KCNH5: variants seen among roughly 807,000 people sequenced by gnomAD.
KCNH5 encodes potassium voltage-gated channel subfamily H member 5, also known as voltage-gated delayed rectifier potassium channel KCNH5.
In KCNH5, 46 loss-of-function variants were observed where a neutral mutation model predicts 96.1. That is an observed-to-expected ratio of 0.48 (90% CI 0.38 to 0.61). The LOEUF (loss-of-function observed/expected upper bound fraction) is 0.61. KCNH5 is among the 20% of genes least tolerant of loss of function. KCNH5 has a pLI of 0.00. For missense variants in KCNH5, 907 were observed against 1,225.8 expected, an observed-to-expected ratio of 0.74 and a Z score of 3.88; for synonymous variants, 439 against 449.8, an observed-to-expected ratio of 0.98 and a Z score of 0.30.
chr14:62,788,055 G>T (rs746000702), intron 9 of KCNH5, among the ~76,000 whole-genome samples: 20 of 152,184 alleles, frequency 1.3e-4, no homozygotes, highest in Admixed American at 5.9e-4. Context: ...GGCTATAGCT[G>T]TCATAGATAC....
At chr14:62,716,021 T>C (rs1206752167) in intron 10 of KCNH5, among the ~76,000 whole-genome samples, 1 of 152,226 alleles carries the variant, frequency 6.6e-6, no homozygotes, top group Non-Finnish European at 1.5e-5. Context: ...TTCTTTACCA[T>C]GTAAAAGATC....
chr14:62,886,220 CT>C (rs1888594222), intron 7 of KCNH5, among the ~76,000 whole-genome samples: 1 of 152,062 alleles, frequency 6.6e-6, no homozygotes, highest in Non-Finnish European at 1.5e-5. Context: ...GCCCAAACAT[CT>C]CTAATTGCAC....
At chr14:62,738,958 A>G (rs1464524701) in intron 10 of KCNH5, among the ~76,000 whole-genome samples, 4 of 152,180 alleles carry the variant, frequency 2.6e-5, no homozygotes, top group Admixed American at 2.0e-4. Context: ...GCTGGGTCTT[A>G]AAGGACTTCA....
At chr14:62,751,810 G>T (rs114413160) in intron 10 of KCNH5, among the ~76,000 whole-genome samples, 141 of 152,268 alleles carry the variant, frequency 9.3e-4, no homozygotes, top group African/African-American at 3.2e-3. Context: ...CCATATACAA[G>T]AGCTGTTCCA....
chr14:63,022,599 C>T (rs1264368974), intron 1 of KCNH5, among the ~76,000 whole-genome samples: 1 of 152,144 alleles, frequency 6.6e-6, no homozygotes, highest in Non-Finnish European at 1.5e-5. Flanking sequence ...GTTCTCATCA[C>T]TCTGACCCTT....
intron 3 of KCNH5, among the ~76,000 whole-genome samples, chr14:63,004,959 C>T (rs190694525): frequency 1.3e-5 from 2 of 152,274 alleles, no homozygotes; most frequent in East Asian, 3.9e-4. Context: ...ATTTGCTAAA[C>T]TTGGAGCACA....
intron 7 of KCNH5, among the ~76,000 whole-genome samples, chr14:62,908,528 T>A (rs555151026): frequency 6.6e-6 from 1 of 152,076 alleles, no homozygotes; most frequent in African/African-American, 2.4e-5. Flanking sequence ...AAACCTCAAA[T>A]TCAGGGAAAC....
chr14:62,775,414 G>A (rs1420669976), intron 10 of KCNH5, among the ~76,000 whole-genome samples: 2 of 151,982 alleles, frequency 1.3e-5, no homozygotes, highest in African/African-American at 4.8e-5. Flanking sequence ...AAACAAATGT[G>A]TTTTCCCATA....
In KCNH5 at chr14:62,890,009, T is replaced by C. The variant is rs539117178; in HGVS notation, c.1370-40157A>G. Among the ~76,000 whole-genome samples, 3 of 152,236 alleles carry C rather than the reference T, an allele frequency of 2.0e-5. No individual in the cohort carries two copies. In the South Asian group the frequency reaches 6.2e-4, roughly 32 times the overall value. On this transcript the variant is annotated intron_variant, in intron 7 of 10. Transcript: ENST00000322893. ...AGACTCACTATTCAATAAATGGTGC[T>C]GGGAGAACTGGCTAGCCATACGCAG...
intron 10 of KCNH5, among the ~76,000 whole-genome samples, chr14:62,714,153 G>T (rs10137769): frequency 1.2e-3 from 177 of 152,090 alleles, no homozygotes; most frequent in African/African-American, 4.0e-3. Flanking sequence ...GATATGCATG[G>T]TGGTGCATGC....
intron 7 of KCNH5, among the ~76,000 whole-genome samples, chr14:62,944,538 A>G (rs558625415): frequency 1.3e-5 from 2 of 152,064 alleles, no homozygotes; most frequent in Non-Finnish European, 2.9e-5. Flanking sequence ...TATGGCTGCT[A>G]GCACATATTG....
At chr14:62,767,332 C>G (rs1169270058) in intron 10 of KCNH5, among the ~76,000 whole-genome samples, 1 of 152,104 alleles carries the variant, frequency 6.6e-6, no homozygotes, top group African/African-American at 2.4e-5. Context: ...ACTATATATC[C>G]AAAGGAATAG....
At chr14:62,888,205 T>C (rs1223714411) in intron 7 of KCNH5, among the ~76,000 whole-genome samples, 2 of 152,198 alleles carry the variant, frequency 1.3e-5, no homozygotes, top group Non-Finnish European at 2.9e-5. Flanking sequence ...GGGAATGAAG[T>C]TTAATTTTAT....
At chr14:62,935,308 G>C (rs1369193598) in intron 7 of KCNH5, among the ~76,000 whole-genome samples, 1 of 152,162 alleles carries the variant, frequency 6.6e-6, no homozygotes, top group African/African-American at 2.4e-5. Context: ...CTACACTCCT[G>C]TTATGCTAGG....
At chr14:62,927,965 C>A (rs1156764719) in intron 7 of KCNH5, among the ~76,000 whole-genome samples, 1 of 152,080 alleles carries the variant, frequency 6.6e-6, no homozygotes, top group Non-Finnish European at 1.5e-5. Context: ...TTCATGTGTT[C>A]TAGCCCCATC....
chr14:63,003,675 A>C (rs1210262337), intron 3 of KCNH5, among the ~76,000 whole-genome samples: 1 of 136,332 alleles, frequency 7.3e-6, no homozygotes, highest in African/African-American at 2.9e-5. Flanking sequence ...GCCCAACTGC[A>C]GTGGCACTAT....
chr14:62,801,621 A>C (rs1595628739), intron 9 of KCNH5, among the ~76,000 whole-genome samples: 1 of 144,334 alleles, frequency 6.9e-6, no homozygotes, highest in South Asian at 2.2e-4. Flanking sequence ...GGTTGTGGTT[A>C]GTACAACTAT....
At chr14:62,885,179 A>T (rs1257873112) in intron 7 of KCNH5, among the ~76,000 whole-genome samples, 1 of 152,242 alleles carries the variant, frequency 6.6e-6, no homozygotes, top group African/African-American at 2.4e-5. Context: ...AAACATAATT[A>T]AGAAACCCAC....
intron 10 of KCNH5, among the ~76,000 whole-genome samples, chr14:62,720,379 G>T (rs1032159557): frequency 2.7e-5 from 4 of 149,480 alleles, no homozygotes; most frequent in African/African-American, 9.9e-5. Flanking sequence ...TAGAAGAAGA[G>T]ATACTAATTA....
Sources: gnomAD v4.1 joint callset for allele counts (sites outside exome capture counted in the v4.1 genomes callset) on GRCh38, gnomAD v4.1.1 for gene constraint, MANE v1.5 for transcripts, NCBI Gene and HGNC (gene_info 2026-07-23, HGNC 2026-07-21) for gene names.